The following CTBP2 variants were observed in gnomAD, a reference collection of about 807,000 sequenced individuals.
The protein encoded by CTBP2 is C-terminal-binding protein 2.
CTBP2 carries 30 observed loss-of-function variants against 80.3 expected under a neutral mutation model. The ratio of observed to expected loss-of-function variants is 0.37; its 90% CI spans 0.28 to 0.51. The LOEUF is 0.51. Among genes scored for constraint, CTBP2 ranks in the 20% least tolerant of loss-of-function variants. The pLI is 0.93. For missense variants in CTBP2, 1,212 were observed against 1,375.3 expected, an observed-to-expected ratio of 0.88 and a Z score of 1.88; for synonymous variants, 594 against 587.4, an observed-to-expected ratio of 1.01 and a Z score of -0.16.
At chr10:125,038,924 C>G (rs35631492) in intron 3 of CTBP2, 73 bp downstream of exon 3, 82,891 of 1,497,854 alleles carry the variant, frequency 0.055, 2,797 homozygotes, top group African/African-American at 0.13. Context: ...ACAGCCAACT[C>G]AAGGGAGCAG....
chr10:125,064,519 C>T (rs964168572), intron 2 of CTBP2, among the ~76,000 whole-genome samples: 1 of 152,072 alleles, frequency 6.6e-6, no homozygotes, highest in Admixed American at 6.6e-5. Flanking sequence ...AAGAGAGCCC[C>T]AACTCTAAGA....
chr10:125,092,424 A>G (rs1152669), intron 2 of CTBP2, among the ~76,000 whole-genome samples: 49,128 of 151,846 alleles, frequency 0.32, 8,983 homozygotes, highest in African/African-American at 0.48. Context: ...CAAGTGATCC[A>G]TCCTGCCTCC....
intron 1 of CTBP2, among the ~76,000 whole-genome samples, chr10:125,148,353 A>G (rs73379160): frequency 0.034 from 5,166 of 152,236 alleles, 242 homozygotes; most frequent in African/African-American, 0.11. Context: ...TCCCAGCTAC[A>G]GGCGTGACCA....
chr10:125,079,150 GAAAAAAAAA>G (rs58370199), intron 2 of CTBP2, among the ~76,000 whole-genome samples: 1 of 101,156 alleles, frequency 9.9e-6, no homozygotes, highest in Non-Finnish European at 1.9e-5. Flanking sequence ...TTGTCTCGAG[GAAAAAAAAA>G]AAAAAAAAAA....
Position 125,026,972 on chromosome 10 carries a change from C to A in CTBP2, c.788G>T (p.Ser263Ile). ...CTCGTAAGCCATCTTGGATGGGATG[C>A]TTTCCCGGGCAGGCCCGTAGCCACG... The change falls in exon 1 of 9, where the codon AGC becomes ATC. Residue 263 changes from serine to isoleucine, a missense_variant. By Grantham distance (142) the Ser-to-Ile change is moderately radical. Transcript: ENST00000309035. The A allele has an allele frequency of 1.9e-6, 3 of 1,614,068 alleles. No individual in the cohort carries two copies. The highest frequency in any genetic ancestry group is 1.6e-4 in the Middle Eastern group (1 of 6,062).
At chr10:125,052,699 C>T (rs1465884) in intron 2 of CTBP2, among the ~76,000 whole-genome samples, 8,030 of 152,246 alleles carry the variant, frequency 0.053, 702 homozygotes, top group African/African-American at 0.18. Flanking sequence ...TCAGTCCGGG[C>T]TTTGTGTATC....
intron 8 of CTBP2, 53 bp downstream of exon 10, chr10:124,992,642 G>GC (rs1183543249): frequency 7.3e-7 from 1 of 1,361,394 alleles, no homozygotes; most frequent in African/African-American, 1.6e-5. Flanking sequence ...TCTCTCCCTG[G>GC]CCCCGGGGCC....
At chr10:125,151,863 G>C (rs1003380086) in intron 1 of CTBP2, among the ~76,000 whole-genome samples, 1 of 152,190 alleles carries the variant, frequency 6.6e-6, no homozygotes, top group African/African-American at 2.4e-5. Context: ...CCGGGTCCGA[G>C]CGGCCCCGCC....
intron 5 of CTBP2, 131 bp downstream of exon 7, chr10:124,994,338 T>G (rs1953156370): frequency 5.5e-6 from 5 of 905,518 alleles, no homozygotes; most frequent in Non-Finnish European, 8.6e-6. Context: ...ACTGGTTTGT[T>G]GCAGGGCCTC....
chr10:125,008,009 C>T (rs569607220), intron 1 of CTBP2, among the ~76,000 whole-genome samples: 89 of 151,910 alleles, frequency 5.9e-4, no homozygotes, highest in African/African-American at 2.1e-3. Context: ...TGCAGTGGCA[C>T]GATCTCCGCT....
chr10:125,053,219 G>A (rs1054166029), intron 2 of CTBP2, among the ~76,000 whole-genome samples: 1 of 152,174 alleles, frequency 6.6e-6, no homozygotes, highest in Non-Finnish European at 1.5e-5. Flanking sequence ...GAGTACGACT[G>A]GGGGTTCATC....
At chr10:125,010,043 G>GCCTCCTT (rs1955691232) in intron 1 of CTBP2, among the ~76,000 whole-genome samples, 1 of 152,166 alleles carries the variant, frequency 6.6e-6, no homozygotes, top group Non-Finnish European at 1.5e-5. Context: ...CAGCCGGGAA[G>GCCTCCTT]GTGCCTGTTC....
upstream of CTBP2, among the ~76,000 whole-genome samples, chr10:125,029,699 G>C (rs934522992): frequency 2.6e-5 from 4 of 152,178 alleles, no homozygotes; most frequent in African/African-American, 4.8e-5. Context: ...GATAAACTTG[G>C]AGCATTCCGG....
chr10:125,067,598 T>C (rs1190240321), intron 2 of CTBP2, among the ~76,000 whole-genome samples: 1 of 152,206 alleles, frequency 6.6e-6, no homozygotes, highest in Non-Finnish European at 1.5e-5. Flanking sequence ...TCAAACTTCT[T>C]ATCTTACCAT....
In CTBP2 at chr10:125,066,525, G is replaced by A. The variant is rs1844659301; in HGVS notation, c.-101-27370C>T. On this transcript the variant is annotated intron_variant, in intron 2 of 10. Transcript: ENST00000337195. The surrounding 1 kb of genome is among the most constrained non-coding windows in gnomAD (Gnocchi z 4.1). ...TCATGTTTCGTACAGGAGCCTGCTG[G>A]GGGTAGCTCACGGGGACTGGAAGCA... Among the ~76,000 whole-genome samples, 2 of 152,166 alleles carry A rather than the reference G, an allele frequency of 1.3e-5. No individual in the cohort carries two copies. Among genetic ancestry groups the A allele is most frequent in the African/African-American group, 4.8e-5 (2 of 41,444 alleles).
chr10:125,139,546 C>G (rs1857472367), intron 1 of CTBP2, among the ~76,000 whole-genome samples: 1 of 152,044 alleles, frequency 6.6e-6, no homozygotes, highest in Non-Finnish European at 1.5e-5. Context: ...TTTTTCTCGA[C>G]TGTTCATTAG....
upstream of CTBP2, chr10:125,160,555 C>T (rs1861766936): frequency 6.7e-6 from 1 of 148,606 alleles, no homozygotes; most frequent in Non-Finnish European, 1.5e-5. Context: ...GACACACACA[C>T]AAAAACTTAA....
At chr10:125,049,759 G>A (rs375996303) in intron 2 of CTBP2, among the ~76,000 whole-genome samples, 40 of 152,256 alleles carry the variant, frequency 2.6e-4, no homozygotes, top group African/African-American at 9.6e-4. Context: ...TCAAAAACAA[G>A]CAGGAACGGC....
In CTBP2 at chr10:124,998,128, G is replaced by A; in HGVS notation, c.2021C>T (p.Thr674Ile). 1 of 1,611,846 alleles carries A rather than the reference G, an allele frequency of 6.2e-7. No individual in the cohort carries two copies. The highest frequency in any genetic ancestry group is 8.5e-7 in the Non-Finnish European group (1 of 1,179,376). Residue 674 changes from threonine to isoleucine, a missense_variant, in exon 4 of 9, where the codon ACA (threonine) becomes ATA (isoleucine). By Grantham distance (89) the Thr-to-Ile change is moderately conservative. Around this residue, in one of 3 missense-constraint regions of CTBP2, gnomAD observed 335 missense variants for 504.7 expected, o/e 0.66. Coordinates refer to ENST00000309035, the MANE Select transcript of CTBP2 (RefSeq NM_022802.3). ...GATGTGGCAGATGGTAGAGTCCGCT[G>A]TCTCTTCCACGGCTGCAGACGGGAT...
Sources: allele counts gnomAD v4.1 joint callset (sites outside exome capture counted in the v4.1 genomes callset), GRCh38; gene constraint gnomAD v4.1.1; regional missense constraint gnomAD v4.1.1; non-coding constraint Gnocchi (gnomAD v3.1); transcripts MANE v1.5; gene names NCBI Gene and HGNC (gene_info 2026-07-23, HGNC 2026-07-21).